Variants in TSPAN18 observed in about 807,000 individuals in gnomAD.
The protein encoded by TSPAN18 is tetraspanin 18.
In TSPAN18, 14 loss-of-function variants were observed where a neutral mutation model predicts 27.3. That is an observed-to-expected ratio of 0.51 (90% CI 0.34 to 0.80). The LOEUF (loss-of-function observed/expected upper bound fraction) is 0.80. TSPAN18 is among the 30% of genes least tolerant of loss of function. TSPAN18 has a pLI of 0.01. For synonymous variants in TSPAN18, 143 were observed against 136.5 expected, an observed-to-expected ratio of 1.05 and a Z score of -0.33; for missense variants, 268 against 323.9, an observed-to-expected ratio of 0.83 and a Z score of 1.32.
chr11:44,773,007 A>G (rs1160824450), intron 2 of TSPAN18, among the ~76,000 whole-genome samples: 3 of 152,234 alleles, frequency 2.0e-5, no homozygotes, highest in African/African-American at 7.2e-5. Context: ...GGATCCACAC[A>G]TGTTGGCTTC....
At chr11:44,750,490 A>C (rs574515021) in intron 1 of TSPAN18, among the ~76,000 whole-genome samples, 1 of 152,362 alleles carries the variant, frequency 6.6e-6, no homozygotes, top group East Asian at 1.9e-4. Flanking sequence ...ATGAATAAAA[A>C]TTGTGACCAG....
intron 2 of TSPAN18, among the ~76,000 whole-genome samples, chr11:44,831,915 A>G (rs1857162410): frequency 6.6e-6 from 1 of 152,154 alleles, no homozygotes; most frequent in Non-Finnish European, 1.5e-5. Context: ...GAGCTGAGCT[A>G]AGATCCAGGA....
chr11:44,830,554 G>A (rs1025805972), intron 2 of TSPAN18, among the ~76,000 whole-genome samples: 5 of 152,296 alleles, frequency 3.3e-5, no homozygotes, highest in East Asian at 3.9e-4. Flanking sequence ...CCACATTCAC[G>A]TTTGTTATTT....
chr11:44,814,744 G>C (rs1294036122), intron 2 of TSPAN18, among the ~76,000 whole-genome samples: 8 of 152,084 alleles, frequency 5.3e-5, no homozygotes, highest in Non-Finnish European at 1.2e-4. Flanking sequence ...CAATAGACCA[G>C]CCAACCAGGA....
At chr11:44,913,193 G>T (rs1859788090) in intron 5 of TSPAN18, among the ~76,000 whole-genome samples, 1 of 152,232 alleles carries the variant, frequency 6.6e-6, no homozygotes, top group Non-Finnish European at 1.5e-5. Flanking sequence ...GGCCAAAAGA[G>T]TGACTTTAGT....
intron 3 of TSPAN18, among the ~76,000 whole-genome samples, chr11:44,863,074 A>G (rs901027685): frequency 6.6e-6 from 1 of 152,200 alleles, no homozygotes; most frequent in African/African-American, 2.4e-5. Context: ...CATCCAAGGT[A>G]AAGAATGGGA....
chr11:44,872,685 G>A (rs1386944111), intron 3 of TSPAN18, among the ~76,000 whole-genome samples: 1 of 152,176 alleles, frequency 6.6e-6, no homozygotes, highest in African/African-American at 2.4e-5. Flanking sequence ...AAGCTTCACA[G>A]CAGCCTTATG....
intron 3 of TSPAN18, among the ~76,000 whole-genome samples, chr11:44,897,992 G>T (rs114864563): frequency 0.012 from 1,886 of 152,130 alleles, 32 homozygotes; most frequent in African/African-American, 0.044. Flanking sequence ...TCTCTGATTT[G>T]CTGACTCCAC....
intron 1 of TSPAN18, among the ~76,000 whole-genome samples, chr11:44,750,728 G>T (rs1053753818): frequency 1.3e-5 from 2 of 152,214 alleles, no homozygotes; most frequent in Non-Finnish European, 2.9e-5. Flanking sequence ...TCCCTGGAGT[G>T]GGCTCTATGC....
chr11:44,786,097 G>A (rs1402757712), intron 2 of TSPAN18, among the ~76,000 whole-genome samples: 1 of 152,272 alleles, frequency 6.6e-6, no homozygotes, highest in Admixed American at 6.5e-5. Context: ...GGTGAGATGA[G>A]GGCACCAAGT....
At chr11:44,907,648 C>T (rs1867790) in intron 4 of TSPAN18, among the ~76,000 whole-genome samples, 43,578 of 152,004 alleles carry the variant, frequency 0.29, 7,724 homozygotes, top group East Asian at 0.63. Flanking sequence ...TGTTCCCACC[C>T]GAAATGGAGC....
At chr11:44,765,037 C>T (rs1019715571) in intron 2 of TSPAN18, among the ~76,000 whole-genome samples, 2 of 152,214 alleles carry the variant, frequency 1.3e-5, no homozygotes, top group Non-Finnish European at 2.9e-5. Context: ...TTCGGAGGCT[C>T]TGGGAAGTCC....
intron 5 of TSPAN18, among the ~76,000 whole-genome samples, chr11:44,917,011 A>G (rs1332860349): frequency 6.6e-6 from 1 of 152,228 alleles, no homozygotes; most frequent in Non-Finnish European, 1.5e-5. Flanking sequence ...CAGGGCCTTC[A>G]TGGCGAGTGC....
At chr11:44,916,013 C>T (rs56323668) in intron 5 of TSPAN18, among the ~76,000 whole-genome samples, 5,739 of 152,254 alleles carry the variant, frequency 0.038, 155 homozygotes, top group Middle Eastern at 0.13. Flanking sequence ...GCCAGCAAAA[C>T]GCAGGATTGA....
chr11:44,832,074 G>A (rs1857166045), intron 2 of TSPAN18, among the ~76,000 whole-genome samples: 1 of 152,192 alleles, frequency 6.6e-6, no homozygotes, highest in African/African-American at 2.4e-5. Flanking sequence ...CTGGAAAATA[G>A]CGGCCACCTG....
chr11:44,900,292 A>C (rs1195268320), intron 3 of TSPAN18, among the ~76,000 whole-genome samples: 1 of 152,240 alleles, frequency 6.6e-6, no homozygotes, highest in Non-Finnish European at 1.5e-5. Context: ...CTGCTGGAGA[A>C]TAATGGGAGA....
At chr11:44,818,928 G>A (rs553039336) in intron 2 of TSPAN18, among the ~76,000 whole-genome samples, 1 of 152,114 alleles carries the variant, frequency 6.6e-6, no homozygotes, top group African/African-American at 2.4e-5. Flanking sequence ...AAATGGCCTA[G>A]GTGATCTCTT....
chr11:44,790,938 T>A (rs1856203766), intron 2 of TSPAN18, among the ~76,000 whole-genome samples: 1 of 152,114 alleles, frequency 6.6e-6, no homozygotes, highest in Non-Finnish European at 1.5e-5. Context: ...GAGATGTCAT[T>A]TTTGTGTTTG....
intron 2 of TSPAN18, among the ~76,000 whole-genome samples, chr11:44,812,987 G>A (rs906435295): frequency 4.3e-4 from 65 of 152,316 alleles, no homozygotes; most frequent in Non-Finnish European, 6.5e-4. Context: ...GCGGCTCCCC[G>A]ACACCAGGCC....
Sources: allele counts gnomAD v4.1 joint callset (sites outside exome capture counted in the v4.1 genomes callset), GRCh38; gene constraint gnomAD v4.1.1; transcripts MANE v1.5; gene names NCBI Gene and HGNC (gene_info 2026-07-23, HGNC 2026-07-21).